The following SLCO1A2 variants were observed in gnomAD, a reference collection of about 807,000 sequenced individuals.
The protein encoded by SLCO1A2 is solute carrier organic anion transporter family member 1A2.
SLCO1A2 carries 67 observed loss-of-function variants against 69.0 expected under a neutral mutation model. That is an observed-to-expected ratio of 0.97 (90% CI 0.80 to 1.19). SLCO1A2 has a LOEUF of 1.19. Ranked by LOEUF, SLCO1A2 falls within the 50% of genes most tolerant of loss-of-function variation. SLCO1A2 has a pLI of 0.00. For synonymous variants in SLCO1A2, 260 were observed against 265.9 expected (o/e 0.98, Z 0.22); for missense variants, 787 against 793.7 (o/e 0.99, Z 0.10).
chr12:21,402,863 T>C (rs1941751637), intron 1 of SLCO1A2, among the ~76,000 whole-genome samples: 1 of 152,158 alleles, frequency 6.6e-6, no homozygotes, highest in Non-Finnish European at 1.5e-5. Flanking sequence ...TTTTATATAC[T>C]CTTCTGTTAC....
At chr12:21,319,401 G>T (rs767583874) in intron 2 of SLCO1A2, 1 of 1,367,914 alleles carries the variant, frequency 7.3e-7, no homozygotes, top group Non-Finnish European at 9.8e-7. Flanking sequence ...TCCTGTTCTT[G>T]CTTGCAATTC....
At chr12:21,305,868 A>G (rs1591820526) in intron 5 of SLCO1A2, among the ~76,000 whole-genome samples, 1 of 152,360 alleles carries the variant, frequency 6.6e-6, no homozygotes, top group East Asian at 1.9e-4. Context: ...ATTTCCACAA[A>G]CATGAATCCA....
chr12:21,418,543 G>C (rs1435962431), upstream of SLCO1A2, among the ~76,000 whole-genome samples: 3 of 152,182 alleles, frequency 2.0e-5, no homozygotes, highest in East Asian at 5.8e-4. Flanking sequence ...GCATGTCTTA[G>C]ATTGCGGCAG....
intron 2 of SLCO1A2, among the ~76,000 whole-genome samples, chr12:21,331,614 C>T (rs992046292): frequency 3.7e-5 from 5 of 133,458 alleles, no homozygotes; most frequent in Non-Finnish European, 8.0e-5. Flanking sequence ...TAAGGAGAAT[C>T]GCTGAGATAA....
At chr12:21,395,775 A>T (rs374558977), upstream of SLCO1A2, among the ~76,000 whole-genome samples, 2 of 152,086 alleles carry the variant, frequency 1.3e-5, no homozygotes, top group African/African-American at 4.8e-5. Context: ...TGACACCTCA[A>T]ACGGCAGGGT....
chr12:21,274,309 G>A (rs1481563734), intron 14 of SLCO1A2, 160 bp downstream of exon 14: 2 of 524,664 alleles, frequency 3.8e-6, no homozygotes, highest in Non-Finnish European at 6.8e-6. Flanking sequence ...TACAATTCTA[G>A]TATGCAAATA....
chr12:21,293,759 G>T (rs1947280009), intron 11 of SLCO1A2, among the ~76,000 whole-genome samples, 186 bp downstream of exon 11: 2 of 152,006 alleles, frequency 1.3e-5, no homozygotes, highest in African/African-American at 4.8e-5. Context: ...TGCTATGGAG[G>T]TTTCACATAA....
chr12:21,269,754 C>A lies in SLCO1A2; in HGVS notation c.1807G>T (p.Gly603Ter). The change falls in exon 15 of 15, where the codon GGA becomes TGA. Residue 603 changes from glycine (G) to a stop codon, truncating the protein, a stop_gained. Transcript: ENST00000683939. LOFTEE classifies it low-confidence loss of function (END_TRUNC). Reference sequence around the variant, plus strand: ...GATCCTCTTAGTGCTGCCGGCAATCCGAGGTAGATGTATCTATTTTTTTAA... The same window carrying A: ...GATCCTCTTAGTGCTGCCGGCAATCAGAGGTAGATGTATCTATTTTTTTAA... ...DSTTFRYIYL[G>*]LPAALRGSSF... The A allele has an allele frequency of 6.2e-7, 1 of 1,608,960 alleles. No individual in the cohort carries two copies. Among genetic ancestry groups the A allele is most frequent in the South Asian group, 1.1e-5 (1 of 90,324 alleles).
At chr12:21,404,865 C>A (rs1941796833) in intron 1 of SLCO1A2, among the ~76,000 whole-genome samples, 1 of 152,140 alleles carries the variant, frequency 6.6e-6, no homozygotes, top group African/African-American at 2.4e-5. Flanking sequence ...AGTGTAAAAG[C>A]ATTCCTATTT....
intron 12 of SLCO1A2, among the ~76,000 whole-genome samples, chr12:21,289,033 T>A (rs1591796567): frequency 1.3e-5 from 2 of 151,914 alleles, no homozygotes; most frequent in African/African-American, 4.8e-5. Flanking sequence ...GCAATACAAA[T>A]ATAAATTTAA....
At chr12:21,403,541 C>T (rs925245503) in intron 1 of SLCO1A2, 7 of 151,986 alleles carry the variant, frequency 4.6e-5, no homozygotes, top group African/African-American at 1.4e-4. Context: ...TAAGCTGCAG[C>T]TTCTTGTTCA....
intron 1 of SLCO1A2, among the ~76,000 whole-genome samples, chr12:21,375,145 T>C (rs574300224): frequency 6.6e-6 from 1 of 152,316 alleles, no homozygotes; most frequent in African/African-American, 2.4e-5. Context: ...TGTTTGTTTA[T>C]TATGAGAGAA....
chr12:21,277,548 T>A (rs1488723541), intron 12 of SLCO1A2, among the ~76,000 whole-genome samples: 1 of 152,124 alleles, frequency 6.6e-6, no homozygotes, highest in Non-Finnish European at 1.5e-5. Flanking sequence ...GTCTTGCATC[T>A]TAGGTAACAG....
At chr12:21,342,326 C>T (rs1953097009) in intron 2 of SLCO1A2, among the ~76,000 whole-genome samples, 1 of 152,000 alleles carries the variant, frequency 6.6e-6, no homozygotes. Flanking sequence ...GAGAATTTTA[C>T]ATAAGCAGGC....
At chr12:21,350,742 C>A (rs1392337871) in intron 2 of SLCO1A2, among the ~76,000 whole-genome samples, 1 of 137,342 alleles carries the variant, frequency 7.3e-6, no homozygotes, top group African/African-American at 2.7e-5. Context: ...AAGGCCGAGG[C>A]AGGGGAATCA....
At chr12:21,396,344 C>T (rs1941459288), upstream of SLCO1A2, among the ~76,000 whole-genome samples, 2 of 149,794 alleles carry the variant, frequency 1.3e-5, no homozygotes. Context: ...AAGAAATGAG[C>T]AAAGCCTCCA....
rs1312212623 is a variant in SLCO1A2, at chr12:21,319,709, T to A, written c.61-786A>T. ...ATCCTTACTGCTTGCCTAATATATATACTATAAATTTCCATAGGTTTTATC... is the reference window on the plus strand; with the variant it reads ...ATCCTTACTGCTTGCCTAATATATAAACTATAAATTTCCATAGGTTTTATC... On this transcript the variant is annotated intron_variant, in intron 2 of 14. Transcript: ENST00000683939. 5 of 282,026 alleles carry A rather than the reference T, an allele frequency of 1.8e-5. No homozygotes were observed. In the East Asian group the frequency reaches 4.0e-4, roughly 23 times the overall value. The allele number at this position is 282,026 out of a possible 1,614,324, so 17.5% of individuals were successfully genotyped here.
chr12:21,321,580 G>A (rs10841791), intron 2 of SLCO1A2, among the ~76,000 whole-genome samples: 45,216 of 152,106 alleles, frequency 0.3, 6,874 homozygotes, highest in East Asian at 0.35. Context: ...AGCCTCATCT[G>A]TATTTCAGTA....
intron 12 of SLCO1A2, among the ~76,000 whole-genome samples, chr12:21,290,745 T>C (rs1010246277): frequency 5.3e-5 from 8 of 152,180 alleles, no homozygotes; most frequent in Non-Finnish European, 7.4e-5. Context: ...GTTAGAAATG[T>C]GGAAGCAATT....
Sources: gnomAD v4.1 joint callset for allele counts (sites outside exome capture counted in the v4.1 genomes callset) on GRCh38, gnomAD v4.1.1 for gene constraint, MANE v1.5 for transcripts, NCBI Gene and HGNC (gene_info 2026-07-23, HGNC 2026-07-21) for gene names.